MAD1L1: variants seen among roughly 807,000 people sequenced by gnomAD.
MAD1L1 encodes mitotic arrest deficient 1 like 1.
A neutral mutation model predicts 96.9 loss-of-function variants in MAD1L1; 95 were observed. That is an observed-to-expected ratio of 0.98 (90% CI 0.83 to 1.16). The LOEUF (loss-of-function observed/expected upper bound fraction) is 1.16. Among genes scored for constraint, MAD1L1 ranks in the 50% most tolerant of loss-of-function variants. The pLI is 0.00. For missense variants in MAD1L1, 1,007 were observed against 954.4 expected (o/e 1.06, Z -0.73); for synonymous variants, 473 against 396.6 (o/e 1.19, Z -2.29).
intron 11 of MAD1L1, among the ~76,000 whole-genome samples, chr7:2,069,567 A>C (rs1333150914): frequency 6.6e-6 from 1 of 152,244 alleles, no homozygotes; most frequent in Non-Finnish European, 1.5e-5. Flanking sequence ...GGGAGGGGGA[A>C]GGGAGCTCAA....
chr7:1,942,337 G>A (rs752810419), intron 16 of MAD1L1, among the ~76,000 whole-genome samples: 15 of 152,230 alleles, frequency 9.9e-5, no homozygotes, highest in Non-Finnish European at 1.5e-4. Flanking sequence ...AGACAGGACC[G>A]TGCCCCAAGG....
intron 15 of MAD1L1, among the ~76,000 whole-genome samples, chr7:1,973,986 G>A (rs115948359): frequency 1.4e-3 from 211 of 152,356 alleles, no homozygotes; most frequent in African/African-American, 4.6e-3. Flanking sequence ...CTGCTGGGCG[G>A]GGACAGGGCA....
At chr7:2,232,607 G>A (rs1203541918) in intron 1 of MAD1L1, among the ~76,000 whole-genome samples, 1 of 152,182 alleles carries the variant, frequency 6.6e-6, no homozygotes, top group Admixed American at 6.5e-5. Flanking sequence ...GGACGGCTGC[G>A]GAGACCCAGG....
chr7:2,219,305 C>T, intron 6 of MAD1L1, 27 bp downstream of exon 6: 1 of 1,542,490 alleles, frequency 6.5e-7, no homozygotes, highest in Non-Finnish European at 8.7e-7. Flanking sequence ...GACCCGACCC[C>T]CGACCCCACA....
intron 11 of MAD1L1, among the ~76,000 whole-genome samples, chr7:2,140,914 A>G (rs1200065127): frequency 1.3e-5 from 2 of 152,378 alleles, no homozygotes; most frequent in Admixed American, 1.3e-4. Context: ...TCCCTTAACA[A>G]TAAAAACTTA....
chr7:2,081,021 C>T (rs1785616234), intron 11 of MAD1L1, among the ~76,000 whole-genome samples: 1 of 152,206 alleles, frequency 6.6e-6, no homozygotes, highest in African/African-American at 2.4e-5. Flanking sequence ...TCCCTGGTTC[C>T]CCGTTCCTGA....
At chr7:1,933,282 C>T (rs1017886191) in intron 17 of MAD1L1, among the ~76,000 whole-genome samples, 2 of 152,178 alleles carry the variant, frequency 1.3e-5, no homozygotes, top group East Asian at 1.9e-4. Context: ...CCCCAGGGAG[C>T]GATCCATGGG....
chr7:1,973,867 A>G (rs1780513143), intron 15 of MAD1L1, among the ~76,000 whole-genome samples: 1 of 152,204 alleles, frequency 6.6e-6, no homozygotes, highest in Non-Finnish European at 1.5e-5. Context: ...GAATGGCACC[A>G]AGGTCCCTGC....
intron 18 of MAD1L1, among the ~76,000 whole-genome samples, chr7:1,831,327 C>T (rs1165458285): frequency 2.0e-5 from 3 of 152,146 alleles, no homozygotes; most frequent in Non-Finnish European, 4.4e-5. Context: ...ACAAACAGTG[C>T]CCATAAGAGA....
Position 2,216,260 on chromosome 7 carries a change from C to T in MAD1L1, c.706G>A (p.Glu236Lys). 4 of 1,614,122 alleles carry T rather than the reference C, an allele frequency of 2.5e-6. No individual in the cohort carries two copies. The highest frequency in any genetic ancestry group is 3.4e-6 in the Non-Finnish European group (4 of 1,180,030). Residue 236 changes from glutamate to lysine, a missense_variant, in exon 8 of 19, where the codon GAG becomes AAG. Transcript: ENST00000265854. ...KDLEQKLSLQ[E>K]QDAAIVKNMK... ...TTCTTCACAATCGCTGCATCCTGCT[C>T]TTGCAGGGACAGCTTCTGCTCCAGA...
rs745568712 is a variant in MAD1L1, at chr7:2,069,332, C to G, written c.1080G>C (p.Arg360=). Residue 360 remains arginine, a synonymous_variant, in exon 12 of 19, where the codon CGG becomes CGC. Coordinates refer to ENST00000265854, the MANE Select transcript of MAD1L1 (RefSeq NM_001013836.2). ...DKNSAVTSSA[R]GLEKARQQLQ... ...GCTGCTGCCTGGCCTTCTCCAGCCC[C>G]CGGGCGCTGCATGGGAGAGACAAGA... The G allele has an allele frequency of 1.3e-6, 2 of 1,596,840 alleles. No homozygotes were observed. Among genetic ancestry groups the G allele is most frequent in the Non-Finnish European group, 1.7e-6 (2 of 1,175,054 alleles).
intron 16 of MAD1L1, among the ~76,000 whole-genome samples, chr7:1,945,931 G>A (rs916482340): frequency 1.3e-5 from 2 of 152,112 alleles, no homozygotes; most frequent in Non-Finnish European, 2.9e-5. Context: ...ATCCTCCTAC[G>A]CAAAGACCCA....
At chr7:1,832,630 T>TTGGG (rs56664541) in intron 18 of MAD1L1, among the ~76,000 whole-genome samples, 2 of 2,346 alleles carry the variant, frequency 8.5e-4, no homozygotes, top group South Asian at 0.016. Context: ...TTTTTTTTTT[T>TTGGG]GGCGGGGGGG....
chr7:1,816,265 A>G (rs776560574), intron 18 of MAD1L1, 37 bp from the exon 19 acceptor site: 2 of 1,591,984 alleles, frequency 1.3e-6, no homozygotes, highest in African/African-American at 1.3e-5. Context: ...GACAGCGGTC[A>G]GCCCGACAGG....
chr7:2,204,875 G>A (rs577650451), intron 10 of MAD1L1, among the ~76,000 whole-genome samples: 5 of 152,318 alleles, frequency 3.3e-5, no homozygotes, highest in Admixed American at 6.5e-5. Context: ...CAAAGTGGCC[G>A]TACCACTTGC....
At chr7:2,128,996 G>C (rs1380229676) in intron 11 of MAD1L1, among the ~76,000 whole-genome samples, 1 of 152,238 alleles carries the variant, frequency 6.6e-6, no homozygotes, top group Non-Finnish European at 1.5e-5. Flanking sequence ...TGAGGAGATG[G>C]GGAGTGCTGC....
intron 16 of MAD1L1, among the ~76,000 whole-genome samples, chr7:1,946,642 G>A (rs1004061519): frequency 5.3e-5 from 8 of 152,262 alleles, no homozygotes; most frequent in East Asian, 1.9e-4. Flanking sequence ...GCGGTTAAGC[G>A]GAAGAGCCGG....
chr7:1,951,526 G>A (rs1270909929), intron 16 of MAD1L1, among the ~76,000 whole-genome samples: 1 of 152,166 alleles, frequency 6.6e-6, no homozygotes, highest in Non-Finnish European at 1.5e-5. Context: ...CACCACCACA[G>A]CCCATTCCCA....
intron 11 of MAD1L1, among the ~76,000 whole-genome samples, chr7:2,090,053 G>T (rs1786128773): frequency 6.6e-6 from 1 of 152,212 alleles, no homozygotes; most frequent in Admixed American, 6.5e-5. Flanking sequence ...GAAACGGCAG[G>T]TTCCCTTGTC....
Sources: allele counts gnomAD v4.1 joint callset (sites outside exome capture counted in the v4.1 genomes callset), GRCh38; gene constraint gnomAD v4.1.1; transcripts MANE v1.5; gene names NCBI Gene and HGNC (gene_info 2026-07-23, HGNC 2026-07-21).